Variants in CPQ observed in about 807,000 individuals in gnomAD.
The protein encoded by CPQ is Ser-Met dipeptidase.
CPQ carries 37 observed loss-of-function variants against 45.7 expected under a neutral mutation model. The ratio of observed to expected loss-of-function variants is 0.81; its 90% CI spans 0.62 to 1.07. The LOEUF (loss-of-function observed/expected upper bound fraction) is 1.07. CPQ is among the 50% of genes least tolerant of loss of function. The pLI, the probability that CPQ is intolerant of heterozygous loss-of-function variation, is 0.00. For missense variants in CPQ, 537 were observed against 572.9 expected (o/e 0.94, Z 0.64); for synonymous variants, 186 against 205.8 (o/e 0.90, Z 0.82).
chr8:96,750,066 T>C (rs969053215), intron 1 of CPQ, among the ~76,000 whole-genome samples: 1 of 151,968 alleles, frequency 6.6e-6, no homozygotes, highest in African/African-American at 2.4e-5. Context: ...TTATCAGATT[T>C]AAGAATCTAT....
intron 6 of CPQ, among the ~76,000 whole-genome samples, chr8:97,033,605 TA>T (rs1429391456): frequency 6.6e-6 from 1 of 151,968 alleles, no homozygotes; most frequent in Non-Finnish European, 1.5e-5. Context: ...ATTGTAATGA[TA>T]AAAGCTTGCA....
chr8:96,685,085 A>G (rs534674481), intron 1 of CPQ, among the ~76,000 whole-genome samples: 1 of 139,222 alleles, frequency 7.2e-6, no homozygotes, highest in South Asian at 2.3e-4. Flanking sequence ...GCCTGGGGTG[A>G]TAGAGTGAAA....
chr8:96,664,444 G>T (rs77014703), intron 1 of CPQ, among the ~76,000 whole-genome samples: 1 of 152,168 alleles, frequency 6.6e-6, no homozygotes, highest in East Asian at 1.9e-4. Context: ...GAAATTTGAG[G>T]CTTAAAGAGA....
chr8:97,111,542 G>A (rs895146587), intron 7 of CPQ, among the ~76,000 whole-genome samples: 2 of 152,142 alleles, frequency 1.3e-5, no homozygotes, highest in Admixed American at 1.3e-4. Context: ...TGTTCACAAC[G>A]AGCCATTTCA....
intron 6 of CPQ, among the ~76,000 whole-genome samples, chr8:97,062,874 C>G (rs1810575657): frequency 6.6e-6 from 1 of 152,138 alleles, no homozygotes; most frequent in African/African-American, 2.4e-5. Flanking sequence ...CAGTCTATCA[C>G]TGATGAGCAT....
At chr8:96,972,259 T>G (rs1158574389) in intron 5 of CPQ, among the ~76,000 whole-genome samples, 3 of 152,130 alleles carry the variant, frequency 2.0e-5, no homozygotes, top group Non-Finnish European at 4.4e-5. Flanking sequence ...CCTGGCAACT[T>G]GTATGACTCA....
intron 7 of CPQ, among the ~76,000 whole-genome samples, chr8:97,088,836 T>C (rs2130562473): frequency 6.6e-6 from 1 of 152,304 alleles, no homozygotes; most frequent in East Asian, 1.9e-4. Flanking sequence ...AACAGCTCAA[T>C]TAAAACTACC....
At chr8:97,091,685 T>C (rs1360163142) in intron 7 of CPQ, among the ~76,000 whole-genome samples, 1 of 152,182 alleles carries the variant, frequency 6.6e-6, no homozygotes, top group Non-Finnish European at 1.5e-5. Flanking sequence ...ATCCCTAGCA[T>C]TTAGGAACTT....
chr8:97,063,013 G>A (rs866230623), intron 6 of CPQ, among the ~76,000 whole-genome samples: 1 of 152,100 alleles, frequency 6.6e-6, no homozygotes, highest in South Asian at 2.1e-4. Flanking sequence ...GGGCTTGCTG[G>A]GTTGAATGGT....
At chr8:96,767,998 G>A (rs1075479) in intron 1 of CPQ, among the ~76,000 whole-genome samples, 121,997 of 151,878 alleles carry the variant, frequency 0.8, 49,116 homozygotes, top group East Asian at 0.94. Context: ...CCTGGGATGT[G>A]GTCTCCACTA....
At chr8:97,013,112 T>C in intron 5 of CPQ, among the ~76,000 whole-genome samples, 1 of 151,958 alleles carries the variant, frequency 6.6e-6, no homozygotes. Flanking sequence ...CCAGCCTTAT[T>C]TCCAGGCTTT....
intron 4 of CPQ, among the ~76,000 whole-genome samples, chr8:96,913,729 A>G (rs1022818813): frequency 6.6e-6 from 1 of 152,186 alleles, no homozygotes; most frequent in Non-Finnish European, 1.5e-5. Flanking sequence ...TTGGTTGTCT[A>G]GCTACTTATG....
chr8:97,051,602 T>C (rs1398310300), intron 6 of CPQ, among the ~76,000 whole-genome samples: 2 of 152,196 alleles, frequency 1.3e-5, no homozygotes, highest in East Asian at 3.8e-4. Flanking sequence ...AAAATAAAGA[T>C]GTAATTTTTT....
At chr8:97,089,242 T>TGA (rs1430970627) in intron 7 of CPQ, among the ~76,000 whole-genome samples, 1 of 40,296 alleles carries the variant, frequency 2.5e-5, no homozygotes, top group Non-Finnish European at 4.9e-5. Context: ...AAGCTCAGTC[T>TGA]CAAAAAAAAA....
chr8:96,686,496 A>C (rs550693477), intron 1 of CPQ, among the ~76,000 whole-genome samples: 14 of 151,962 alleles, frequency 9.2e-5, no homozygotes, highest in Admixed American at 7.9e-4. Flanking sequence ...ATGGTAAATT[A>C]TATTAATAGA....
At chr8:97,013,729 G>A (rs1158359453) in intron 5 of CPQ, among the ~76,000 whole-genome samples, 1 of 152,178 alleles carries the variant, frequency 6.6e-6, no homozygotes, top group Non-Finnish European at 1.5e-5. Context: ...GGAGTAGTTG[G>A]AGGTAACTCT....
At chr8:97,024,171 T>C (rs1022443156) in intron 5 of CPQ, among the ~76,000 whole-genome samples, 2 of 152,164 alleles carry the variant, frequency 1.3e-5, no homozygotes, top group Non-Finnish European at 2.9e-5. Flanking sequence ...AGGATCACTT[T>C]ATTTCCATGG....
chr8:96,696,166 T>C (rs1172368069), intron 1 of CPQ, among the ~76,000 whole-genome samples: 1 of 151,894 alleles, frequency 6.6e-6, no homozygotes, highest in Non-Finnish European at 1.5e-5. Flanking sequence ...TTGGAAATCA[T>C]CATTCTCAGT....
chr8:97,038,825 C>CAAAAAA (rs35739621), intron 6 of CPQ, among the ~76,000 whole-genome samples: 466 of 91,460 alleles, frequency 5.1e-3, no homozygotes, highest in Middle Eastern at 6.7e-3. Context: ...ACCGTATTTA[C>CAAAAAA]AAAAAAAAAA....
Sources: allele counts gnomAD v4.1 joint callset (sites outside exome capture counted in the v4.1 genomes callset), GRCh38; gene constraint gnomAD v4.1.1; transcripts MANE v1.5; gene names NCBI Gene and HGNC (gene_info 2026-07-23, HGNC 2026-07-21).